ST3GAL3: variants seen among roughly 807,000 people sequenced by gnomAD.
ST3GAL3 encodes CMP-N-acetylneuraminate-beta-1,4-galactoside alpha-2,3-sialyltransferase.
In ST3GAL3, 21 loss-of-function variants were observed where a neutral mutation model predicts 50.1. The observed-to-expected ratio is 0.42, with a 90% confidence interval of 0.30 to 0.60. The LOEUF (loss-of-function observed/expected upper bound fraction) is 0.60. ST3GAL3 is among the 20% of genes least tolerant of loss of function. The pLI is 0.19. For synonymous variants in ST3GAL3, 183 were observed against 190.0 expected, an observed-to-expected ratio of 0.96 and a Z score of 0.30; for missense variants, 353 against 489.4, an observed-to-expected ratio of 0.72 and a Z score of 2.63.
At chr1:43,719,516 T>A (rs945164269) in intron 1 of ST3GAL3, among the ~76,000 whole-genome samples, 2 of 151,368 alleles carry the variant, frequency 1.3e-5, no homozygotes, top group Non-Finnish European at 2.9e-5. Context: ...CAAAAACAAA[T>A]CAGGCGGGTG....
chr1:43,857,369 A>C (rs72888729), intron 5 of ST3GAL3, among the ~76,000 whole-genome samples: 5,073 of 152,276 alleles, frequency 0.033, 311 homozygotes, highest in African/African-American at 0.12. Flanking sequence ...TAGGCCTGGC[A>C]CAGTGGCATG....
At chr1:43,827,054 TC>T (rs1350025644) in intron 4 of ST3GAL3, among the ~76,000 whole-genome samples, 1 of 152,154 alleles carries the variant, frequency 6.6e-6, no homozygotes, top group African/African-American at 2.4e-5. Context: ...CTCTCACCAC[TC>T]CTGTTCAACA....
chr1:43,899,639 A>G lies in ST3GAL3; in HGVS notation c.656A>G (p.Gln219Arg), dbSNP rs2077950129. 6.2e-7 allele frequency: 1 copy of G among 1,614,084 alleles called. No homozygotes were observed. The highest frequency in any genetic ancestry group is 1.3e-5 in the African/African-American group (1 of 74,952). Residue 219 changes from glutamine to arginine, a missense_variant, in exon 9 of 12, where the codon CAG becomes CGG. Transcript: ENST00000347631. This position sits in a 1 kb window ranked among gnomAD's most constrained non-coding sequence, Gnocchi z 5.4. ...YPEGAMQRPE[Q>R]YERDSLFVLA... ...GAGGGCGCCATGCAGCGGCCTGAGC[A>G]GTACGAGCGCGATTCTCTCTTTGTC... is the stretch of plus-strand genomic sequence containing the variant.
intron 2 of ST3GAL3, among the ~76,000 whole-genome samples, chr1:43,785,829 T>C (rs2057251726): frequency 6.6e-6 from 1 of 152,148 alleles, no homozygotes; most frequent in African/African-American, 2.4e-5. Context: ...TACCTTCCCT[T>C]GAGCCCATGG....
intron 2 of ST3GAL3, among the ~76,000 whole-genome samples, chr1:43,784,987 C>T (rs1269061051): frequency 6.6e-6 from 1 of 152,170 alleles, no homozygotes; most frequent in African/African-American, 2.4e-5. Context: ...TTATCACATC[C>T]TCCTAAATTA....
At chr1:43,725,672 T>G (rs539113583) in intron 1 of ST3GAL3, among the ~76,000 whole-genome samples, 1 of 152,256 alleles carries the variant, frequency 6.6e-6, no homozygotes, top group Admixed American at 6.5e-5. Context: ...TTTGAGACAG[T>G]GTCCCACTCT....
chr1:43,817,384 CTT>C (rs2061378203), intron 4 of ST3GAL3, among the ~76,000 whole-genome samples: 1 of 38,516 alleles, frequency 2.6e-5, no homozygotes, highest in East Asian at 1.6e-3. Context: ...TCTTCTCCTT[CTT>C]CTTCTCCTCC....
intron 2 of ST3GAL3, among the ~76,000 whole-genome samples, chr1:43,787,149 T>C (rs1399713735): frequency 6.6e-6 from 1 of 152,352 alleles, no homozygotes; most frequent in Non-Finnish European, 1.5e-5. Flanking sequence ...AACAAAGTCA[T>C]GTGCAGCAAG....
intron 5 of ST3GAL3, chr1:43,840,559 G>T (rs1272205588): frequency 6.6e-6 from 1 of 152,012 alleles, no homozygotes; most frequent in Non-Finnish European, 1.5e-5. Context: ...ACCCTGTTAA[G>T]TACCTGATGT....
chr1:43,723,360 C>T (rs997165948), intron 1 of ST3GAL3, among the ~76,000 whole-genome samples: 3 of 152,054 alleles, frequency 2.0e-5, no homozygotes, highest in South Asian at 2.1e-4. Context: ...CCACCTGCCT[C>T]GGCCTCCCAA....
At chr1:43,894,532 G>A in intron 6 of ST3GAL3, 55 bp downstream of exon 6, 3 of 1,520,456 alleles carry the variant, frequency 2.0e-6, no homozygotes, top group South Asian at 1.1e-5. Flanking sequence ...CTGTCTCCCT[G>A]TCCTTCAGAC....
At chr1:43,894,260 G>C (rs1044108713) in intron 5 of ST3GAL3, 123 bp from the exon 6 acceptor site, 7 of 918,064 alleles carry the variant, frequency 7.6e-6, no homozygotes, top group Non-Finnish European at 1.3e-5. Context: ...GGGTGGAGGG[G>C]GGTATGCCGG....
In ST3GAL3 at chr1:43,901,812, G is replaced by T. The variant is rs141590371; in HGVS notation, c.744+2085G>T. Among the ~76,000 whole-genome samples, 696 of 152,346 alleles carry T rather than the reference G, an allele frequency of 4.6e-3. 7 individuals carry two copies. The highest frequency in any genetic ancestry group is 0.016 in the South Asian group (79 of 4,828). On this transcript the variant is annotated intron_variant, in intron 9 of 11. Transcript: ENST00000347631. Reference sequence around the variant, plus strand: ...TCCTACCCAGGGTGGGTGGGGGTGAGTGGGAAGGGAAGACAGGAGACAGGG... The same window carrying T: ...TCCTACCCAGGGTGGGTGGGGGTGATTGGGAAGGGAAGACAGGAGACAGGG...
At chr1:43,782,278 C>T (rs1699612569) in intron 2 of ST3GAL3, among the ~76,000 whole-genome samples, 2 of 152,198 alleles carry the variant, frequency 1.3e-5, no homozygotes, top group Admixed American at 6.5e-5. Context: ...TGTCCATTCT[C>T]CCTTTGAATT....
chr1:43,723,070 GTTAT>G (rs1276962976), intron 1 of ST3GAL3, among the ~76,000 whole-genome samples: 1 of 151,618 alleles, frequency 6.6e-6, no homozygotes, highest in Non-Finnish European at 1.5e-5. Flanking sequence ...CTCAGAGCTG[GTTAT>G]TTAAGAGGGT....
At chr1:43,927,868 C>T (rs1557599949) in intron 11 of ST3GAL3, among the ~76,000 whole-genome samples, 1 of 152,094 alleles carries the variant, frequency 6.6e-6, no homozygotes, top group Non-Finnish European at 1.5e-5. Context: ...AGACGCTTCC[C>T]GCCTTCAGAG....
Position 43,737,756 on chromosome 1 carries a change from C to T in ST3GAL3, c.118+1376C>T, listed in dbSNP as rs1340336232. ...AAATGTGTGTGAAGAACAAGGGTCT[C>T]CTTTTCCGCTAAGGGCTGCTGACCT... On this transcript the variant is annotated intron_variant, in intron 2 of 11. Transcript: ENST00000347631. The surrounding 1 kb of genome is among the most constrained non-coding windows in gnomAD (Gnocchi z 4.0). The T allele has an allele frequency of 6.6e-6, 1 of 152,176 alleles. No individual in the cohort carries two copies. The highest frequency in any genetic ancestry group is 1.5e-5 in the Non-Finnish European group (1 of 68,032). The allele number at this position is 152,176 out of a possible 1,614,324, so 9.4% of individuals were successfully genotyped here.
At chr1:43,917,406 CTT>C (rs1171219858) in intron 9 of ST3GAL3, among the ~76,000 whole-genome samples, 1 of 125,876 alleles carries the variant, frequency 7.9e-6, no homozygotes, top group South Asian at 2.3e-4. Context: ...ATTTTTACCA[CTT>C]TTTTGTTTCC....
chr1:43,792,236 G>A, intron 3 of ST3GAL3, 87 bp downstream of exon 3: 1 of 1,546,934 alleles, frequency 6.5e-7, no homozygotes, highest in Non-Finnish European at 8.9e-7. Context: ...GGGTTTGCTG[G>A]GGAGGGCAGT....
Sources: gnomAD v4.1 joint callset for allele counts (sites outside exome capture counted in the v4.1 genomes callset) on GRCh38, gnomAD v4.1.1 for gene constraint, Gnocchi (gnomAD v3.1) non-coding constraint, MANE v1.5 for transcripts, NCBI Gene and HGNC (gene_info 2026-07-23, HGNC 2026-07-21) for gene names.